The following EPM2A variants were observed in gnomAD, a reference collection of about 807,000 sequenced individuals.
EPM2A encodes laforin.
A neutral mutation model predicts 26.5 loss-of-function variants in EPM2A; 21 were observed. That is an observed-to-expected ratio of 0.79 (90% CI 0.56 to 1.14). The LOEUF is 1.14. Among genes scored for constraint, EPM2A ranks in the 50% most tolerant of loss-of-function variants. The pLI is 0.00. For synonymous variants in EPM2A, 217 were observed against 177.6 expected (o/e 1.22, Z -1.76); for missense variants, 458 against 440.8 (o/e 1.04, Z -0.35).
At chr6:145,672,883 C>T (rs1026267675) in intron 2 of EPM2A, among the ~76,000 whole-genome samples, 3 of 152,188 alleles carry the variant, frequency 2.0e-5, no homozygotes, top group Non-Finnish European at 4.4e-5. Context: ...AAAGATCTCA[C>T]ATCAGAGGTT....
intron 1 of EPM2A, among the ~76,000 whole-genome samples, chr6:145,689,075 G>T (rs78941130): frequency 0.011 from 1,749 of 152,168 alleles, 16 homozygotes; most frequent in Non-Finnish European, 0.017. Flanking sequence ...AAATTACAAT[G>T]GTCAAGAAGA....
At chr6:145,645,592 A>G (rs1373957572) in intron 2 of EPM2A, among the ~76,000 whole-genome samples, 1 of 150,248 alleles carries the variant, frequency 6.7e-6, no homozygotes, top group Admixed American at 6.6e-5. Context: ...GGGATAAGCC[A>G]CCATCCTGGC....
At chr6:145,522,850 TA>T (rs1440528500) in intron 2 of EPM2A, among the ~76,000 whole-genome samples, 1 of 152,058 alleles carries the variant, frequency 6.6e-6, no homozygotes. Context: ...TCTCTTTTTT[TA>T]TAACTCTTTA....
intron 2 of EPM2A, among the ~76,000 whole-genome samples, chr6:145,667,000 T>C (rs1415376487): frequency 2.5e-5 from 3 of 122,008 alleles, no homozygotes; most frequent in Non-Finnish European, 4.9e-5. Flanking sequence ...TTACACCTTA[T>C]ACAAAAATCA....
At chr6:145,474,262 G>C (rs528420521) in intron 4 of EPM2A, among the ~76,000 whole-genome samples, 1 of 152,116 alleles carries the variant, frequency 6.6e-6, no homozygotes. Context: ...AGGAGTTTGA[G>C]ACGAGTCTAA....
intron 4 of EPM2A, among the ~76,000 whole-genome samples, chr6:145,399,045 T>G (rs994384802): frequency 3.9e-5 from 6 of 152,126 alleles, no homozygotes; most frequent in African/African-American, 1.4e-4. Context: ...CAAGACTTCC[T>G]TGATCAATGA....
chr6:145,433,512 G>C (rs1353296665), intron 4 of EPM2A, among the ~76,000 whole-genome samples: 1 of 151,392 alleles, frequency 6.6e-6, no homozygotes, highest in African/African-American at 2.4e-5. Context: ...CTTCTTATTA[G>C]CTTTTTAGTT....
chr6:145,532,733 AC>A (rs1486743150), intron 2 of EPM2A, among the ~76,000 whole-genome samples: 1 of 150,858 alleles, frequency 6.6e-6, no homozygotes, highest in Non-Finnish European at 1.5e-5. Context: ...TGTGGGACAG[AC>A]CCCCGTACTC....
chr6:145,526,861 A>C (rs1382042630), intron 2 of EPM2A, among the ~76,000 whole-genome samples: 1 of 151,664 alleles, frequency 6.6e-6, no homozygotes, highest in East Asian at 1.9e-4. Flanking sequence ...TAGCTCCTCT[A>C]GTTGTGATAT....
chr6:145,548,175 C>A (rs1471354662), intron 2 of EPM2A, among the ~76,000 whole-genome samples: 1 of 152,128 alleles, frequency 6.6e-6, no homozygotes, highest in Non-Finnish European at 1.5e-5. Context: ...ATCCCCATGA[C>A]TTTGGCAAGA....
intron 4 of EPM2A, among the ~76,000 whole-genome samples, chr6:145,391,477 T>G (rs1778336136): frequency 2.0e-5 from 3 of 152,176 alleles, no homozygotes; most frequent in Non-Finnish European, 4.4e-5. Flanking sequence ...AAAGTGAACA[T>G]GAGACATGTA....
At chr6:145,721,426 G>T (rs1187425590) in intron 1 of EPM2A, 1 of 152,190 alleles carries the variant, frequency 6.6e-6, no homozygotes, top group African/African-American at 2.4e-5. Flanking sequence ...TGGTGATGGT[G>T]TTGGAAAAAT....
intron 4 of EPM2A, among the ~76,000 whole-genome samples, chr6:145,397,591 G>A (rs917927296): frequency 1.3e-5 from 2 of 152,134 alleles, no homozygotes; most frequent in Non-Finnish European, 2.9e-5. Context: ...ACCACCACAA[G>A]GTGGGAAAAT....
chr6:145,508,480 G>A (rs968002895), intron 2 of EPM2A, among the ~76,000 whole-genome samples: 1 of 152,158 alleles, frequency 6.6e-6, no homozygotes, highest in Non-Finnish European at 1.5e-5. Context: ...AGCCCTTACA[G>A]AGCCTTGGTC....
intron 4 of EPM2A, among the ~76,000 whole-genome samples, chr6:145,487,587 T>G (rs1779695284): frequency 6.6e-6 from 1 of 152,222 alleles, no homozygotes; most frequent in African/African-American, 2.4e-5. Context: ...ATTTCTCTGA[T>G]GATCAATGAT....
chr6:145,627,910 C>T, intron 3 of EPM2A: 2 of 632,914 alleles, frequency 3.2e-6, no homozygotes, highest in Non-Finnish European at 5.4e-6. Context: ...CAGAGGCTCT[C>T]TCTAATCCTT....
At chr6:145,494,682 T>G (rs1441761352) in intron 4 of EPM2A, among the ~76,000 whole-genome samples, 1 of 152,230 alleles carries the variant, frequency 6.6e-6, no homozygotes, top group Admixed American at 6.5e-5. Context: ...TGGTATGTTG[T>G]ATCTTTGTTC....
chr6:145,710,548 T>A (rs1775255576), intron 1 of EPM2A, among the ~76,000 whole-genome samples: 1 of 152,212 alleles, frequency 6.6e-6, no homozygotes, highest in African/African-American at 2.4e-5. Flanking sequence ...TCAACCCTTG[T>A]GGAAGTCAGT....
At chr6:145,543,470 C>T (rs1161548932) in intron 2 of EPM2A, among the ~76,000 whole-genome samples, 1 of 152,064 alleles carries the variant, frequency 6.6e-6, no homozygotes, top group East Asian at 1.9e-4. Context: ...TTCTGCAGCT[C>T]AGAAACATTA....
Sources: allele counts gnomAD v4.1 joint callset (sites outside exome capture counted in the v4.1 genomes callset), GRCh38; gene constraint gnomAD v4.1.1; transcripts MANE v1.5; gene names NCBI Gene and HGNC (gene_info 2026-07-23, HGNC 2026-07-21).